Variants in CSMD1 observed in about 807,000 individuals in gnomAD.
The protein encoded by CSMD1 is CUB and Sushi multiple domains 1, also known as CUB and sushi domain-containing protein 1.
CSMD1 carries 213 observed loss-of-function variants against 417.5 expected under a neutral mutation model. That is an observed-to-expected ratio of 0.51 (90% confidence interval 0.46 to 0.57). The LOEUF is 0.57. Ranked by LOEUF, CSMD1 falls within the 20% of genes least tolerant of loss-of-function variation. The pLI is 0.00. For missense variants in CSMD1, 6,923 were observed against 4,529.7 expected, an observed-to-expected ratio of 1.53 and a Z score of -15.17; for synonymous variants, 2,862 against 1,736.8, an observed-to-expected ratio of 1.65 and a Z score of -16.11.
At chr8:3,517,640 G>T (rs1431903576) in intron 10 of CSMD1, among the ~76,000 whole-genome samples, 1 of 152,140 alleles carries the variant, frequency 6.6e-6, no homozygotes, top group South Asian at 2.1e-4. Flanking sequence ...GGGGAAAAAG[G>T]CTTTCTGAAA....
At chr8:3,419,459 T>A (rs946564515) in intron 12 of CSMD1, among the ~76,000 whole-genome samples, 3 of 152,162 alleles carry the variant, frequency 2.0e-5, no homozygotes, top group African/African-American at 7.2e-5. Context: ...AATACACACA[T>A]ATTTGTATTT....
chr8:4,029,653 C>T (rs1017259753), intron 4 of CSMD1, among the ~76,000 whole-genome samples: 57 of 152,184 alleles, frequency 3.7e-4, no homozygotes, highest in African/African-American at 1.3e-3. Flanking sequence ...TCATTTCGCT[C>T]CTGGACCCAC....
At chr8:3,632,176 G>C (rs148187122) in intron 7 of CSMD1, among the ~76,000 whole-genome samples, 1,613 of 152,220 alleles carry the variant, frequency 0.011, 33 homozygotes, top group African/African-American at 0.036. Flanking sequence ...AATTCAAAGA[G>C]CTATAGCAAA....
intron 10 of CSMD1, among the ~76,000 whole-genome samples, chr8:3,563,176 C>T (rs776744952): frequency 4.6e-5 from 7 of 151,928 alleles, no homozygotes; most frequent in Admixed American, 6.6e-5. Flanking sequence ...TGTGTGACTA[C>T]GTTTTATTTA....
chr8:3,549,578 T>A (rs1374654756), intron 10 of CSMD1, among the ~76,000 whole-genome samples: 2 of 152,214 alleles, frequency 1.3e-5, no homozygotes, highest in Non-Finnish European at 2.9e-5. Flanking sequence ...AATTTGTTAA[T>A]GAATTACTGG....
At chr8:3,671,376 C>G (rs1431866136) in intron 7 of CSMD1, among the ~76,000 whole-genome samples, 1 of 147,146 alleles carries the variant, frequency 6.8e-6, no homozygotes, top group South Asian at 2.1e-4. Context: ...TGCCTGAAAA[C>G]TTTTATATCT....
intron 7 of CSMD1, among the ~76,000 whole-genome samples, chr8:3,636,005 C>T (rs1387764744): frequency 6.6e-6 from 1 of 152,094 alleles, no homozygotes; most frequent in Non-Finnish European, 1.5e-5. Context: ...GAAACACAAA[C>T]ACATTGAACA....
chr8:4,197,029 T>G (rs1403258377), intron 3 of CSMD1, among the ~76,000 whole-genome samples: 2 of 152,200 alleles, frequency 1.3e-5, no homozygotes, highest in Non-Finnish European at 2.9e-5. Context: ...AAATATTTCC[T>G]TTTCTGTTAA....
intron 12 of CSMD1, among the ~76,000 whole-genome samples, chr8:3,428,587 TAA>T (rs1814005009): frequency 6.6e-6 from 1 of 152,174 alleles, no homozygotes; most frequent in South Asian, 2.1e-4. Flanking sequence ...AAACTGTGTG[TAA>T]GAGTTCACCG....
At chr8:4,474,099 TAC>T (rs1320320161) in intron 2 of CSMD1, among the ~76,000 whole-genome samples, 4 of 152,074 alleles carry the variant, frequency 2.6e-5, no homozygotes, top group African/African-American at 7.2e-5. Context: ...TAAACGAACA[TAC>T]ACAAAAAGAA....
intron 3 of CSMD1, among the ~76,000 whole-genome samples, chr8:4,100,356 G>A (rs895302635): frequency 1.3e-5 from 2 of 152,128 alleles, no homozygotes; most frequent in South Asian, 2.1e-4. Context: ...GATTCTGGCA[G>A]CATTCCTCCA....
chr8:4,002,855 G>A (rs1264563479), intron 4 of CSMD1, among the ~76,000 whole-genome samples: 1 of 152,114 alleles, frequency 6.6e-6, no homozygotes, highest in African/African-American at 2.4e-5. Context: ...TAAAATGTTT[G>A]AATGTATTAA....
intron 5 of CSMD1, among the ~76,000 whole-genome samples, chr8:3,780,469 T>C (rs558990682): frequency 6.6e-6 from 1 of 152,366 alleles, no homozygotes; most frequent in African/African-American, 2.4e-5. Flanking sequence ...GGTTCAAAAT[T>C]ACATCCTGAA....
chr8:3,551,235 A>G (rs79445936), intron 10 of CSMD1, among the ~76,000 whole-genome samples: 1 of 152,312 alleles, frequency 6.6e-6, no homozygotes, highest in East Asian at 1.9e-4. Context: ...AAGCATGTAA[A>G]TTTCTCAAGA....
At chr8:4,055,356 T>C (rs1035365454) in intron 3 of CSMD1, among the ~76,000 whole-genome samples, 2 of 152,138 alleles carry the variant, frequency 1.3e-5, no homozygotes, top group African/African-American at 4.8e-5. Context: ...ATCCTTTTTA[T>C]AATTATTGTA....
At chr8:3,927,117 G>T (rs536534409) in intron 5 of CSMD1, among the ~76,000 whole-genome samples, 15 of 151,602 alleles carry the variant, frequency 9.9e-5, no homozygotes, top group Non-Finnish European at 1.8e-4. Context: ...TTTTAACTGA[G>T]AATAATATAA....
intron 1 of CSMD1, among the ~76,000 whole-genome samples, chr8:4,674,935 G>C (rs190935196): frequency 1.3e-5 from 2 of 152,254 alleles, no homozygotes; most frequent in African/African-American, 4.8e-5. Flanking sequence ...ATGCTAGAGA[G>C]GCTGCTTCCT....
chr8:4,938,126 A>G (rs1006951762), intron 1 of CSMD1, among the ~76,000 whole-genome samples: 1 of 152,194 alleles, frequency 6.6e-6, no homozygotes, highest in Non-Finnish European at 1.5e-5. Flanking sequence ...ATAATTAAAA[A>G]TACCCATTGG....
chr8:3,834,338 T>C (rs923856486), intron 5 of CSMD1, among the ~76,000 whole-genome samples: 1 of 152,144 alleles, frequency 6.6e-6, no homozygotes, highest in African/African-American at 2.4e-5. Context: ...TCACTGCTTA[T>C]AGGTAAGGTG....
Sources: allele counts gnomAD v4.1 joint callset (sites outside exome capture counted in the v4.1 genomes callset), GRCh38; gene constraint gnomAD v4.1.1; transcripts MANE v1.5; gene names NCBI Gene and HGNC (gene_info 2026-07-23, HGNC 2026-07-21).